The following MAB21L4 variants were observed in gnomAD, a reference collection of about 807,000 sequenced individuals.
MAB21L4 encodes the protein protein mab-21-like 4.
MAB21L4 carries 25 observed loss-of-function variants against 32.4 expected under a neutral mutation model. The observed-to-expected ratio is 0.77, with a 90% CI of 0.56 to 1.08. The LOEUF (loss-of-function observed/expected upper bound fraction) is 1.08, where lower values mean the gene tolerates loss of function less well. Ranked by LOEUF, MAB21L4 falls within the 50% of genes least tolerant of loss-of-function variation. The pLI is 0.00. For synonymous variants in MAB21L4, 280 were observed against 276.8 expected (o/e 1.01, Z -0.11); for missense variants, 638 against 611.0 (o/e 1.04, Z -0.47).
chr2:240,890,228 C>G, intron 2 of MAB21L4, 70 bp from the exon 3 acceptor site: 1 of 1,531,156 alleles, frequency 6.5e-7, no homozygotes, highest in Non-Finnish European at 8.8e-7. Flanking sequence ...AGCTTCTGAG[C>G]CCCGGAGGTT....
At position 240,888,722 on chromosome 2, in the gene MAB21L4, C is replaced by A. The variant is rs905447265; in HGVS notation, c.895-74G>T. 23 of 1,105,218 alleles carry A rather than the reference C, an allele frequency of 2.1e-5. 1 individual carries two copies. Among genetic ancestry groups the A allele is most frequent in the South Asian group, 5.1e-5 (3 of 58,416 alleles). The allele number at this position is 1,105,218 out of a possible 1,614,324, so 68.5% of individuals were successfully genotyped here. ...CCTGTGCTCCCACCCTGCGCTCCCA[C>A]CCTCACCCTGGCTGCCCCTCCCTGC... On this transcript the variant is annotated intron_variant, in intron 3 of 4. Transcript: ENST00000388934.
In MAB21L4 at chr2:240,886,395, G is replaced by A. The variant is rs1276496720; in HGVS notation, c.*675C>T. On this transcript the variant is annotated 3_prime_UTR_variant, in exon 5 of 5. Coordinates refer to ENST00000388934, the MANE Select transcript of MAB21L4 (RefSeq NM_001085437.3). ...CAATTCTACCTGAGATTTGGGTGGG[G>A]ATACAGATACAATCCATATCAGGGG... 6.6e-6 allele frequency: 1 copy of A among 152,166 alleles called. No individual in the cohort carries two copies. The highest frequency in any genetic ancestry group is 2.1e-4 in the South Asian group (1 of 4,822). 9.4% of individuals were successfully genotyped at this position (152,166 alleles called of 1,614,324 possible).
chr2:240,895,951 G>C lies in MAB21L4; in HGVS notation c.47C>G (p.Pro16Arg). ...GGCCTGCAGGTAGTGGTGCCACAGG[G>C]GCACCTGCACGGCCATGGCTGAGGT... ...LPTSAMAVQV[P>R]LWHHYLQAIR... Residue 16 changes from proline (P) to arginine (R), a missense_variant, in exon 1 of 5, where the codon CCC (proline) becomes CGC (arginine). Transcript: ENST00000388934. 1 of 1,488,206 alleles carries C rather than the reference G, an allele frequency of 6.7e-7. No homozygotes were observed. Among genetic ancestry groups the C allele is most frequent in the Non-Finnish European group, 8.9e-7 (1 of 1,122,986 alleles). 92.2% of individuals were successfully genotyped at this position (1,488,206 alleles called of 1,614,324 possible). A position where few individuals can be genotyped will look rare whatever the true frequency, so the allele number is the denominator to read the frequency against.
upstream of MAB21L4, chr2:240,896,244 C>A (rs1448243305): frequency 1.8e-6 from 2 of 1,095,210 alleles, no homozygotes; most frequent in South Asian, 4.4e-5. Context: ...AGGGGCCATG[C>A]AGGGCAGGCG....
At chr2:240,889,282 G>A (rs1381854246) in intron 3 of MAB21L4, among the ~76,000 whole-genome samples, 2 of 152,232 alleles carry the variant, frequency 1.3e-5, no homozygotes, top group African/African-American at 4.8e-5. Flanking sequence ...CAGGTCAGGT[G>A]GGGGCCTGAG....
Position 240,887,045 on chromosome 2 carries a change from G to T in MAB21L4, c.*25C>A. ...AGAGTCTGTTGGGGAGCCAAGAACAGGTGGCTGAGACCAGGTGGCCCAGCT... is the reference window on the plus strand; with the variant it reads ...AGAGTCTGTTGGGGAGCCAAGAACATGTGGCTGAGACCAGGTGGCCCAGCT... On this transcript the variant is annotated 3_prime_UTR_variant, in exon 5 of 5. Coordinates refer to ENST00000388934, the MANE Select transcript of MAB21L4 (RefSeq NM_001085437.3). 6.3e-7 allele frequency: 1 copy of T among 1,585,380 alleles called. No individual in the cohort carries two copies. The highest frequency in any genetic ancestry group is 8.7e-7 in the Non-Finnish European group (1 of 1,154,108).
At chr2:240,887,214 G>C (rs371372754) in intron 4 of MAB21L4, 52 bp from the exon 5 acceptor site, 1 of 1,476,662 alleles carries the variant, frequency 6.8e-7, no homozygotes, top group Non-Finnish European at 9.5e-7. Context: ...TGGAGCCCAT[G>C]ATAAGCTCTC....
intron 4 of MAB21L4, 34 bp downstream of exon 4, chr2:240,888,258 G>A (rs773571903): frequency 3.4e-5 from 51 of 1,484,708 alleles, no homozygotes; most frequent in Non-Finnish European, 4.5e-5. Flanking sequence ...CCATGCCCCC[G>A]GGCCTGCCCA....
In MAB21L4 at chr2:240,888,399, G is replaced by A. The variant is rs114056381; in HGVS notation, c.1144C>T (p.Arg382Cys). 5,552 of 1,554,010 alleles carry A rather than the reference G, an allele frequency of 3.6e-3. 173 individuals are homozygous for A. In the African/African-American group the frequency reaches 0.066, roughly 18 times the overall value. Residue 382 changes from arginine (R) to cysteine (C), a missense_variant, in exon 4 of 5, where the codon CGC becomes TGC. Transcript: ENST00000388934. Reference protein sequence around the residue: ...ALRIHATHLGRSPPPRIGSGL... With the variant: ...ALRIHATHLGCSPPPRIGSGL... ...GAGCCGATGCGCGGCGGGGGGCTGCGGCCCAGGTGGGTGGCGTGGATGCGC... is the reference window on the plus strand; with the variant it reads ...GAGCCGATGCGCGGCGGGGGGCTGCAGCCCAGGTGGGTGGCGTGGATGCGC...
chr2:240,888,540 G>A lies in MAB21L4; in HGVS notation c.1003C>T (p.Arg335Trp), dbSNP rs759064988. 1.4e-5 allele frequency: 23 copies of A among 1,608,390 alleles called. No individual in the cohort carries two copies. The highest frequency in any genetic ancestry group is 2.2e-5 in the South Asian group (2 of 90,908). ...LVVLLCCLAT[R>W]KLPHFLHPQR... ...GGGTGGAGGAAGTGGGGCAGCTTCC[G>A]CGTGGCCAGGCAACAGAGCAGCACC... The change falls in exon 4 of 5, where the codon CGG (arginine) becomes TGG (tryptophan). Residue 335 changes from arginine to tryptophan, a missense_variant. Coordinates refer to ENST00000388934, the MANE Select transcript of MAB21L4 (RefSeq NM_001085437.3).
Position 240,895,622 on chromosome 2 carries a change from C to T in MAB21L4, c.376G>A (p.Glu126Lys), listed in dbSNP as rs200160556. 2.7e-5 allele frequency: 44 copies of T among 1,612,752 alleles called. No homozygotes were observed. Among genetic ancestry groups the T allele is most frequent in the South Asian group, 6.6e-5 (6 of 91,080 alleles). ...EGAGLERWTT[E>K]DTFTASSEGD... ...TCCGAGGAGGCAGTGAAGGTATCCT[C>T]GGTGGTCCACCGCTCCAGGCCAGCC... The change falls in exon 1 of 5, where the codon GAG becomes AAG. Residue 126 changes from glutamate (E) to lysine (K), a missense_variant. Transcript: ENST00000388934.
intron 2 of MAB21L4, 64 bp downstream of exon 2, chr2:240,891,474 A>G (rs1407005529): frequency 5.6e-6 from 8 of 1,433,004 alleles, no homozygotes; most frequent in Middle Eastern, 1.9e-4. Flanking sequence ...CCAGGGGAGC[A>G]TGGGGGCAGT....
chr2:240,896,576 G>A (rs2059188823), upstream of MAB21L4, among the ~76,000 whole-genome samples: 1 of 152,302 alleles, frequency 6.6e-6, no homozygotes, highest in South Asian at 2.1e-4. Context: ...CGCTGTGGGG[G>A]AGCCCCCGAC....
At chr2:240,888,680 T>C in intron 3 of MAB21L4, 32 bp from the exon 4 acceptor site, 3 of 1,440,220 alleles carry the variant, frequency 2.1e-6, no homozygotes, top group Non-Finnish European at 2.8e-6. Flanking sequence ...CCTGGCCTCC[T>C]GGCCCACCCG....
intron 1 of MAB21L4, 159 bp from the exon 2 acceptor site, chr2:240,891,922 C>G: frequency 7.6e-6 from 12 of 1,572,170 alleles, no homozygotes; most frequent in Non-Finnish European, 9.5e-6. Flanking sequence ...CTCCCCAACC[C>G]CAGACACCTG....
At position 240,892,879 on chromosome 2, in the gene MAB21L4, TG is replaced by T. The variant is rs796079091; in HGVS notation, c.515-1117del. ...CTGGAGGGCCTGTTCCAGGGTGTAA[TG>T]GGGCTGGAGCTGGGGCTGGGGGCAT... On this transcript the variant is annotated intron_variant, in intron 1 of 4. Coordinates refer to ENST00000388934, the MANE Select transcript of MAB21L4 (RefSeq NM_001085437.3). 1.2e-3 allele frequency among the ~76,000 whole-genome samples: 181 copies of T among 152,160 alleles called. 2 individuals carry two copies. Among genetic ancestry groups the T allele is most frequent in the African/African-American group, 4.2e-3 (176 of 41,526 alleles).
intron 3 of MAB21L4, among the ~76,000 whole-genome samples, chr2:240,889,126 C>A (rs1175577599): frequency 1.3e-5 from 2 of 152,158 alleles, no homozygotes; most frequent in Admixed American, 1.3e-4. Context: ...GACACCCTTA[C>A]CCTCCATCCT....
At chr2:240,892,236 G>T (rs571840320) in intron 1 of MAB21L4, among the ~76,000 whole-genome samples, 13 of 152,248 alleles carry the variant, frequency 8.5e-5, no homozygotes, top group African/African-American at 3.1e-4. Context: ...TTCTCTGCAG[G>T]GGAGGAGGCA....
intron 1 of MAB21L4, 46 bp downstream of exon 1, chr2:240,895,438 C>T (rs775643111): frequency 6.8e-7 from 1 of 1,463,350 alleles, no homozygotes; most frequent in Admixed American, 2.3e-5. Context: ...ACACAGCAGC[C>T]CCTCGGTACA....
Sources: allele counts gnomAD v4.1 joint callset (sites outside exome capture counted in the v4.1 genomes callset), GRCh38; gene constraint gnomAD v4.1.1; transcripts MANE v1.5; gene names NCBI Gene and HGNC (gene_info 2026-07-23, HGNC 2026-07-21).